EPM2A: variants seen among roughly 807,000 people sequenced by gnomAD.
EPM2A encodes the protein laforin.
EPM2A carries 21 observed loss-of-function variants against 26.5 expected under a neutral mutation model. That is an observed-to-expected ratio of 0.79 (90% CI 0.56 to 1.14). The LOEUF (loss-of-function observed/expected upper bound fraction) is 1.14. Among genes scored for constraint, EPM2A ranks in the 50% most tolerant of loss-of-function variants. The pLI, the probability that EPM2A is intolerant of heterozygous loss-of-function variation, is 0.00. For synonymous variants in EPM2A, 217 were observed against 177.6 expected (o/e 1.22, Z -1.76); for missense variants, 458 against 440.8 (o/e 1.04, Z -0.35).
chr6:145,457,053 T>C (rs1779270706), intron 4 of EPM2A, among the ~76,000 whole-genome samples: 1 of 152,244 alleles, frequency 6.6e-6, no homozygotes, highest in Non-Finnish European at 1.5e-5. Flanking sequence ...GTGAGGTTTA[T>C]GAGTTTAACA....
chr6:145,468,786 T>C (rs1006532592), intron 4 of EPM2A, among the ~76,000 whole-genome samples: 1 of 151,992 alleles, frequency 6.6e-6, no homozygotes, highest in African/African-American at 2.4e-5. Context: ...CTGGACATAT[T>C]GGATCACATC....
intron 1 of EPM2A, among the ~76,000 whole-genome samples, chr6:145,728,039 C>T (rs1394651918): frequency 6.6e-6 from 1 of 152,152 alleles, no homozygotes; most frequent in East Asian, 1.9e-4. Context: ...CTGCTCCAGC[C>T]ATGTAGGACG....
At chr6:145,437,227 C>T (rs918858462) in intron 4 of EPM2A, among the ~76,000 whole-genome samples, 1 of 152,070 alleles carries the variant, frequency 6.6e-6, no homozygotes, top group East Asian at 1.9e-4. Context: ...CCACCGCCCC[C>T]CTCCTGCCTC....
intron 2 of EPM2A, among the ~76,000 whole-genome samples, chr6:145,571,240 AG>A (rs1347369259): frequency 6.6e-6 from 1 of 152,156 alleles, no homozygotes; most frequent in Non-Finnish European, 1.5e-5. Context: ...TGGAGAACTT[AG>A]CCCCAGTCCT....
chr6:145,593,561 C>A (rs1217754327), intron 2 of EPM2A, among the ~76,000 whole-genome samples: 1 of 151,876 alleles, frequency 6.6e-6, no homozygotes, highest in Non-Finnish European at 1.5e-5. Context: ...ATTTTTTGAA[C>A]ATAAAAATTA....
rs200735997 is a variant in EPM2A at position 145,666,118 on chromosome 6, C to T, written c.476+20004G>A. Among the ~76,000 whole-genome samples the T allele has an allele frequency of 3.9e-3, 567 of 146,710 alleles. 15 individuals carry two copies. In the East Asian group the frequency reaches 0.069, roughly 18 times the overall value. ...GAAAACTGGCACAAGACAGGGATGC[C>T]CTCTCTCACCGCTCCTATTCCATAG... On this transcript the variant is annotated intron_variant, in intron 2 of 3. Coordinates refer to ENST00000367519, the MANE Select transcript of EPM2A (RefSeq NM_005670.4).
intron 4 of EPM2A, among the ~76,000 whole-genome samples, chr6:145,476,158 C>T (rs1779540352): frequency 6.6e-6 from 1 of 152,022 alleles, no homozygotes; most frequent in Admixed American, 6.6e-5. Context: ...AAGACAAAAA[C>T]TACAAAGAAG....
intron 4 of EPM2A, among the ~76,000 whole-genome samples, chr6:145,460,472 G>A (rs1234751875): frequency 1.3e-5 from 2 of 152,138 alleles, no homozygotes; most frequent in African/African-American, 4.8e-5. Flanking sequence ...CACTAAACTG[G>A]ATGGAGGTGG....
At chr6:145,525,769 T>A (rs1421487814) in intron 2 of EPM2A, among the ~76,000 whole-genome samples, 5 of 152,104 alleles carry the variant, frequency 3.3e-5, no homozygotes, top group Admixed American at 6.6e-5. Flanking sequence ...ATTTCCTATT[T>A]GGATACCTTT....
downstream of EPM2A, among the ~76,000 whole-genome samples, chr6:145,497,580 C>T (rs1450777409): frequency 2.1e-5 from 1 of 47,462 alleles, no homozygotes; most frequent in African/African-American, 6.9e-5. Flanking sequence ...CTGTGCTGTG[C>T]TGTTGTATTG....
intron 2 of EPM2A, among the ~76,000 whole-genome samples, chr6:145,548,815 G>A (rs1780617172): frequency 6.6e-6 from 1 of 152,000 alleles, no homozygotes; most frequent in Admixed American, 6.6e-5. Flanking sequence ...TAAATCAACA[G>A]CCTAATACAT....
At chr6:145,548,556 T>C (rs947162240) in intron 2 of EPM2A, among the ~76,000 whole-genome samples, 10 of 152,076 alleles carry the variant, frequency 6.6e-5, no homozygotes, top group Non-Finnish European at 1.3e-4. Flanking sequence ...CCAGAATACA[T>C]GAATAATAAA....
intron 2 of EPM2A, among the ~76,000 whole-genome samples, chr6:145,569,322 C>T (rs2114823072): frequency 6.6e-6 from 1 of 152,294 alleles, no homozygotes; most frequent in South Asian, 2.1e-4. Context: ...TACAATTACT[C>T]ACGAGAGAGT....
chr6:145,511,547 C>T (rs948180099), intron 2 of EPM2A, among the ~76,000 whole-genome samples: 1 of 152,104 alleles, frequency 6.6e-6, no homozygotes, highest in Admixed American at 6.5e-5. Flanking sequence ...TGATAAAATC[C>T]AACATCCTTT....
At chr6:145,501,988 C>T (rs932709594) in intron 3 of EPM2A, 17 of 391,974 alleles carry the variant, frequency 4.3e-5, no homozygotes, top group Middle Eastern at 4.4e-4. Flanking sequence ...GGAAGAGTCT[C>T]GAATTGAACC....
chr6:145,393,528 G>A (rs12208709), intron 4 of EPM2A, among the ~76,000 whole-genome samples: 16,756 of 152,098 alleles, frequency 0.11, 967 homozygotes, highest in South Asian at 0.17. Flanking sequence ...AAGAATAGGG[G>A]TACTACGACG....
intron 1 of EPM2A, among the ~76,000 whole-genome samples, chr6:145,715,232 G>C (rs1245559858): frequency 1.2e-4 from 19 of 152,054 alleles, no homozygotes; most frequent in Non-Finnish European, 2.6e-4. Flanking sequence ...TTTCATTCCT[G>C]CAAGTGCTAG....
At chr6:145,711,446 T>C (rs998599532) in intron 1 of EPM2A, among the ~76,000 whole-genome samples, 3 of 152,092 alleles carry the variant, frequency 2.0e-5, no homozygotes, top group African/African-American at 4.8e-5. Context: ...TTTGAATATA[T>C]TGAATTTAAA....
chr6:145,610,886 G>A (rs986328049), intron 2 of EPM2A, among the ~76,000 whole-genome samples: 5 of 152,262 alleles, frequency 3.3e-5, no homozygotes, highest in Admixed American at 6.5e-5. Flanking sequence ...CCATCATTTT[G>A]TTAGCCTTTC....
Sources: gnomAD v4.1 joint callset for allele counts (sites outside exome capture counted in the v4.1 genomes callset) on GRCh38, gnomAD v4.1.1 for gene constraint, MANE v1.5 for transcripts, NCBI Gene and HGNC (gene_info 2026-07-23, HGNC 2026-07-21) for gene names.